Variants in RNLS observed in about 807,000 individuals in gnomAD.
The protein encoded by RNLS is renalase.
Under a neutral mutation model 39.8 loss-of-function variants are expected in RNLS, and 39 were observed. The observed-to-expected ratio is 0.98, with a 90% CI of 0.76 to 1.28. RNLS has a LOEUF of 1.28. RNLS is among the 50% of genes most tolerant of loss of function. The pLI is 0.00. For missense variants in RNLS, 410 were observed against 413.3 expected (o/e 0.99, Z 0.07); for synonymous variants, 147 against 150.7 (o/e 0.98, Z 0.18).
chr10:88,341,850 G>A (rs139875445), intron 5 of RNLS, among the ~76,000 whole-genome samples: 2 of 152,076 alleles, frequency 1.3e-5, no homozygotes, highest in Middle Eastern at 3.4e-3. Context: ...AATCTGTGAG[G>A]TTTATAGTAT....
the RNLS span, among the ~76,000 whole-genome samples, chr10:88,173,178 T>G: frequency 6.6e-6 from 1 of 152,010 alleles, no homozygotes; most frequent in Non-Finnish European, 1.5e-5. Flanking sequence ...TTGTATATGG[T>G]GAGGGATAGA....
intron 4 of RNLS, among the ~76,000 whole-genome samples, chr10:88,475,707 TGGCTTTTGGGG>T (rs1476441978): frequency 1.3e-5 from 2 of 152,134 alleles, no homozygotes; most frequent in African/African-American, 2.4e-5. Flanking sequence ...ACATGGTCTC[TGGCTTTTGGGG>T]GGTGGGACTT....
chr10:88,432,503 A>G (rs1293829921), intron 4 of RNLS, among the ~76,000 whole-genome samples: 2 of 151,512 alleles, frequency 1.3e-5, no homozygotes, highest in African/African-American at 4.8e-5. Context: ...CACTATCACT[A>G]TTTGTTTTCT....
rs182442241 is a variant in RNLS, at chr10:88,563,888, A to G, written c.526+9015T>C. ...AATGTAAGCAAAATTATTCAGTCAA[A>G]TAATGTCTTATTAATTGAAAACTTT... On this transcript the variant is annotated intron_variant, in intron 4 of 6. Coordinates refer to ENST00000331772, the MANE Select transcript of RNLS (RefSeq NM_001031709.3). Among the ~76,000 whole-genome samples, 213 of 152,346 alleles carry G rather than the reference A, an allele frequency of 1.4e-3. 1 individual carries two copies. Among genetic ancestry groups the G allele is most frequent in the African/African-American group, 4.9e-3 (205 of 41,586 alleles).
At chr10:88,376,918 T>C (rs1354253722) in intron 4 of RNLS, among the ~76,000 whole-genome samples, 1 of 152,144 alleles carries the variant, frequency 6.6e-6, no homozygotes, top group Non-Finnish European at 1.5e-5. Context: ...ATAGTCTTGT[T>C]AAAAATACTA....
chr10:88,233,123 G>GC, the RNLS span, among the ~76,000 whole-genome samples: 3 of 152,160 alleles, frequency 2.0e-5, no homozygotes, highest in African/African-American at 7.2e-5. Context: ...TTATCACTCA[G>GC]CCCCACCACA....
chr10:88,281,068 C>A (rs1842993674), downstream of RNLS, among the ~76,000 whole-genome samples: 1 of 152,142 alleles, frequency 6.6e-6, no homozygotes, highest in South Asian at 2.1e-4. Context: ...CCTTGGTTTA[C>A]CTGGTCAGAT....
intron 4 of RNLS, among the ~76,000 whole-genome samples, chr10:88,410,728 G>A (rs1361692211): frequency 1.3e-5 from 2 of 151,970 alleles, no homozygotes; most frequent in African/African-American, 4.8e-5. Flanking sequence ...ACCCAAGTCA[G>A]TGAGTTTCTT....
intron 4 of RNLS, among the ~76,000 whole-genome samples, chr10:88,386,918 C>G (rs1851892512): frequency 6.6e-6 from 1 of 152,154 alleles, no homozygotes; most frequent in Non-Finnish European, 1.5e-5. Flanking sequence ...TTGTAAAGCC[C>G]AGTGAGGTTC....
intron 4 of RNLS, among the ~76,000 whole-genome samples, chr10:88,457,762 C>T (rs894734429): frequency 6.6e-6 from 1 of 152,192 alleles, no homozygotes; most frequent in African/African-American, 2.4e-5. Context: ...CTCCCTATCC[C>T]TATCAGTCTT....
At chr10:88,360,179 G>A (rs1003598215) in intron 5 of RNLS, among the ~76,000 whole-genome samples, 1 of 152,160 alleles carries the variant, frequency 6.6e-6, no homozygotes, top group Non-Finnish European at 1.5e-5. Flanking sequence ...TGCTAATCCA[G>A]CATTTAGTAC....
At chr10:88,315,376 G>T (rs778167720) in intron 5 of RNLS, among the ~76,000 whole-genome samples, 4 of 152,126 alleles carry the variant, frequency 2.6e-5, no homozygotes, top group Non-Finnish European at 5.9e-5. Context: ...TGAGTTGAAA[G>T]AAACCTAAGT....
intron 5 of RNLS, among the ~76,000 whole-genome samples, chr10:88,316,131 C>T (rs939758047): frequency 2.0e-5 from 3 of 152,052 alleles, no homozygotes; most frequent in African/African-American, 2.4e-5. Flanking sequence ...TTCACATATA[C>T]GAGGTGAGGG....
chr10:88,572,053 G>A (rs1849869458), intron 4 of RNLS, among the ~76,000 whole-genome samples: 1 of 152,010 alleles, frequency 6.6e-6, no homozygotes, highest in Non-Finnish European at 1.5e-5. Flanking sequence ...GAACCCTCAG[G>A]AATCACGAAG....
At chr10:88,546,074 C>T (rs1374068038) in intron 4 of RNLS, among the ~76,000 whole-genome samples, 1 of 151,950 alleles carries the variant, frequency 6.6e-6, no homozygotes, top group Non-Finnish European at 1.5e-5. Flanking sequence ...ATGACAAGTA[C>T]AGTGCCATTA....
At chr10:88,385,764 CGGT>C (rs1851825372) in intron 4 of RNLS, among the ~76,000 whole-genome samples, 1 of 152,138 alleles carries the variant, frequency 6.6e-6, no homozygotes, top group Admixed American at 6.6e-5. Flanking sequence ...CTCTTTGTCA[CGGT>C]GCCCCTGCCA....
intron 4 of RNLS, among the ~76,000 whole-genome samples, chr10:88,380,525 G>A (rs1198742163): frequency 5.9e-5 from 9 of 151,262 alleles, no homozygotes; most frequent in East Asian, 1.9e-4. Context: ...ACAGGCGCCC[G>A]CCACCATGCC....
chr10:88,575,139 T>A (rs1334811633), intron 3 of RNLS, among the ~76,000 whole-genome samples: 1 of 32,264 alleles, frequency 3.1e-5, no homozygotes, highest in African/African-American at 2.2e-4. Context: ...TATATATATA[T>A]ATATATATAT....
rs149163910 is a variant in RNLS, at chr10:88,314,446, C to T, written c.876+20G>A. 117 of 1,611,956 alleles carry T rather than the reference C, an allele frequency of 7.3e-5. No homozygotes were observed. The African/African-American group carries it at 1.5e-3, about 21-fold the overall frequency. On this transcript the variant is annotated intron_variant, in intron 6 of 6. Coordinates refer to ENST00000331772, the MANE Select transcript of RNLS (RefSeq NM_001031709.3). Reference sequence around the variant, plus strand: ...TGTTAAGAAAATTGTTGTGCTTAGACCACTGGATTCTTTGATTACCTGTGA... The same window carrying T: ...TGTTAAGAAAATTGTTGTGCTTAGATCACTGGATTCTTTGATTACCTGTGA...
Sources: gnomAD v4.1 joint callset for allele counts (sites outside exome capture counted in the v4.1 genomes callset) on GRCh38, gnomAD v4.1.1 for gene constraint, MANE v1.5 for transcripts, NCBI Gene and HGNC (gene_info 2026-07-23, HGNC 2026-07-21) for gene names.